GRM4: variants seen among roughly 807,000 people sequenced by gnomAD.
GRM4 encodes the protein glutamate metabotropic receptor 4.
GRM4 carries 28 observed loss-of-function variants against 81.7 expected under a neutral mutation model. The observed-to-expected ratio is 0.34, with a 90% CI of 0.25 to 0.47. GRM4 has a LOEUF of 0.47. Ranked by LOEUF, GRM4 falls within the 20% of genes least tolerant of loss-of-function variation. The pLI, the probability that GRM4 is intolerant of heterozygous loss-of-function variation, is 1.00. For synonymous variants in GRM4, 488 were observed against 528.8 expected (o/e 0.92, Z 1.06); for missense variants, 948 against 1,290.0 (o/e 0.73, Z 4.06).
At chr6:34,061,303 G>A (rs1007757301) in intron 4 of GRM4, 1 of 152,146 alleles carries the variant, frequency 6.6e-6, no homozygotes, top group African/African-American at 2.4e-5. Context: ...CCTCAGGTTG[G>A]GCTCTCTGAG....
intron 2 of GRM4, chr6:34,101,992 C>G (rs537401729): frequency 1.3e-6 from 2 of 1,534,654 alleles, no homozygotes. Context: ...CCCTAGTGGC[C>G]AGGTCAGGGC....
chr6:34,024,538 T>C lies in GRM4; in HGVS notation c.2690-1668A>G, dbSNP rs142390852. ...GAAGCCCACTAACACAGGCAGAAGT[T>C]TGGTGTCCAACTATCAGTCTATCAC... is the stretch of plus-strand genomic sequence containing the variant. On this transcript the variant is annotated intron_variant, in intron 10 of 10. Coordinates refer to ENST00000538487, the MANE Select transcript of GRM4 (RefSeq NM_000841.4). 8.5e-3 allele frequency: 3,368 copies of C among 394,620 alleles called. 23 individuals carry two copies. The highest frequency in any genetic ancestry group is 0.013 in the Non-Finnish European group (2,586 of 195,060). 24.4% of individuals were successfully genotyped at this position (394,620 alleles called of 1,614,324 possible).
At position 34,022,990 on chromosome 6, in the gene GRM4, C is replaced by T. The variant is rs1763963192; in HGVS notation, c.2690-120G>A. The T allele has an allele frequency of 2.5e-6, 2 of 799,990 alleles. No homozygotes were observed. The highest frequency in any genetic ancestry group is 3.7e-5 in the Admixed American group (2 of 53,388). 49.6% of individuals were successfully genotyped at this position (799,990 alleles called of 1,614,324 possible). A position where few individuals can be genotyped will look rare whatever the true frequency, so the allele number is the denominator to read the frequency against. The stretch of plus-strand genomic sequence containing the variant: ...ATAGCTCCCCGCCTCTCATGGCATC[C>T]AGTCCTGAGCTGAGCAATCGACACT... On this transcript the variant is annotated intron_variant, in intron 10 of 10. Coordinates refer to ENST00000538487, the MANE Select transcript of GRM4 (RefSeq NM_000841.4). The surrounding 1 kb of genome is among the most constrained non-coding windows in gnomAD (Gnocchi z 5.6).
Position 34,040,263 on chromosome 6 carries a change from C to T in GRM4, c.1421G>A (p.Arg474His), listed in dbSNP as rs528782611. The stretch of plus-strand genomic sequence containing the variant: ...CAGCTGGTATTGGTAGATGTCATAG[C>T]GCCCAGGCGCATCTCCATTCTCATT... Reference protein sequence around the residue: ...TFNENGDAPGRYDIYQYQLRN... With the variant: ...TFNENGDAPGHYDIYQYQLRN... Residue 474 changes from arginine to histidine, a missense_variant, in exon 8 of 11, where the codon CGC (arginine) becomes CAC (histidine). Coordinates refer to ENST00000538487, the MANE Select transcript of GRM4 (RefSeq NM_000841.4). 5.5e-5 allele frequency: 88 copies of T among 1,614,152 alleles called. No homozygotes were observed. Among genetic ancestry groups the T allele is most frequent in the Non-Finnish European group, 7.4e-5 (87 of 1,179,942 alleles).
At chr6:34,044,127 C>T (rs911214083) in intron 6 of GRM4, among the ~76,000 whole-genome samples, 2 of 150,878 alleles carry the variant, frequency 1.3e-5, no homozygotes, top group Non-Finnish European at 2.9e-5. Flanking sequence ...CAGACACACA[C>T]ACACACATAT....
chr6:34,126,544 C>T (rs1325691553), intron 2 of GRM4, among the ~76,000 whole-genome samples: 6 of 152,146 alleles, frequency 3.9e-5, no homozygotes, highest in African/African-American at 1.4e-4. Context: ...CAGTGGGGAC[C>T]TGGAGAAGGT....
At chr6:34,065,755 A>G (rs1040699565) in intron 3 of GRM4, among the ~76,000 whole-genome samples, 15 of 152,374 alleles carry the variant, frequency 9.8e-5, no homozygotes, top group South Asian at 4.1e-4. Context: ...AAATCTGAGC[A>G]TATCAAGTCC....
chr6:34,144,395 G>A (rs781242415), intron 1 of GRM4, among the ~76,000 whole-genome samples: 6 of 152,194 alleles, frequency 3.9e-5, no homozygotes, highest in South Asian at 2.1e-4. Flanking sequence ...GACCACTGCC[G>A]GTCCGCTCGC....
intron 10 of GRM4, among the ~76,000 whole-genome samples, chr6:34,025,034 C>A (rs934819895): frequency 6.6e-6 from 1 of 152,138 alleles, no homozygotes; most frequent in African/African-American, 2.4e-5. Flanking sequence ...TGAGCACAGA[C>A]CAGCACCCTG....
At position 34,036,379 on chromosome 6, in the gene GRM4, G is replaced by C; in HGVS notation, c.1731C>G (p.Pro577=). Residue 577 remains proline (P), a synonymous_variant, in exon 9 of 11, where the codon CCC becomes CCG. Coordinates refer to ENST00000538487, the MANE Select transcript of GRM4 (RefSeq NM_000841.4). The surrounding 1 kb of genome is among the most constrained non-coding windows in gnomAD (Gnocchi z 9.0). ...TENRTGCRPI[P]IIKLEWGSPW... is the part of the protein sequence containing the mutation. ...GCGAGCCCCACTCAAGCTTGATGATGGGGATGGGCCGGCAGCCCGTGCGGT... is the reference window on the plus strand; with the variant it reads ...GCGAGCCCCACTCAAGCTTGATGATCGGGATGGGCCGGCAGCCCGTGCGGT... The C allele has an allele frequency of 6.2e-7, 1 of 1,612,594 alleles. No homozygotes were observed. The highest frequency in any genetic ancestry group is 2.2e-5 in the East Asian group (1 of 44,846).
In GRM4 at chr6:34,040,561, G is replaced by A. The variant is rs149008151; in HGVS notation, c.1356C>T (p.Asn452=). ...CCACACCCCCACCTGAGAAGTTGACGTTTCGGATGTACTTAAGCAGCTGGG... is the reference window on the plus strand; with the variant it reads ...CCACACCCCCACCTGAGAAGTTGACATTTCGGATGTACTTAAGCAGCTGGG... ...DGTQLLKYIR[N]VNFSGIAGNP... is the part of the protein sequence containing the mutation. The change falls in exon 7 of 11, where the codon AAC becomes AAT. Residue 452 remains asparagine, a synonymous_variant. Coordinates refer to ENST00000538487, the MANE Select transcript of GRM4 (RefSeq NM_000841.4). 4.3e-6 allele frequency: 7 copies of A among 1,613,088 alleles called. No individual in the cohort carries two copies. The highest frequency in any genetic ancestry group is 2.2e-5 in the East Asian group (1 of 44,834).
At chr6:34,110,292 T>C (rs1581707747) in intron 2 of GRM4, among the ~76,000 whole-genome samples, 2 of 82,074 alleles carry the variant, frequency 2.4e-5, no homozygotes, top group African/African-American at 5.0e-5. Flanking sequence ...AGACCCTGTC[T>C]CAAAAACAAC....
chr6:34,029,448 C>T (rs1390727848), intron 9 of GRM4, among the ~76,000 whole-genome samples: 13 of 152,176 alleles, frequency 8.5e-5, no homozygotes, highest in Non-Finnish European at 1.6e-4. Flanking sequence ...CAGTACCCCC[C>T]ATGTAGGGAC....
intron 3 of GRM4, among the ~76,000 whole-genome samples, chr6:34,073,187 A>C (rs542132960): frequency 1.0e-4 from 1 of 9,628 alleles, no homozygotes; most frequent in African/African-American, 3.2e-4. Flanking sequence ...ACACAAATAC[A>C]CATTACACAA....
chr6:34,132,813 G>A (rs1770296465), intron 2 of GRM4, among the ~76,000 whole-genome samples, 165 bp downstream of exon 2: 1 of 152,196 alleles, frequency 6.6e-6, no homozygotes, highest in Non-Finnish European at 1.5e-5. Context: ...AAACCAGGAA[G>A]AGCTGCCCCA....
intron 1 of GRM4, among the ~76,000 whole-genome samples, chr6:34,141,086 GT>G (rs1205188913): frequency 2.0e-5 from 3 of 152,244 alleles, no homozygotes; most frequent in Non-Finnish European, 4.4e-5. Flanking sequence ...CAATGACAGA[GT>G]TTTTACTAGA....
intron 6 of GRM4, among the ~76,000 whole-genome samples, chr6:34,043,631 G>A (rs540928025): frequency 6.6e-6 from 1 of 152,240 alleles, no homozygotes; most frequent in South Asian, 2.1e-4. Flanking sequence ...TGGATCTCTG[G>A]GGAAACACAC....
At position 34,068,570 on chromosome 6, in the gene GRM4, G is replaced by A. The variant is rs931631516; in HGVS notation, c.737-6542C>T. 6.6e-6 allele frequency among the ~76,000 whole-genome samples: 1 copy of A among 151,884 alleles called. No homozygotes were observed. The highest frequency in any genetic ancestry group is 1.9e-4 in the East Asian group (1 of 5,164). ...AAAAAGTCCCCCCTCCATCCTGCAA[G>A]GCCAGCCCTCCAGCAGCCTCCAGAT... On this transcript the variant is annotated intron_variant, in intron 3 of 10. Coordinates refer to ENST00000538487, the MANE Select transcript of GRM4 (RefSeq NM_000841.4). This position sits in a 1 kb window ranked among gnomAD's most constrained non-coding sequence, Gnocchi z 4.2.
intron 6 of GRM4, among the ~76,000 whole-genome samples, chr6:34,044,520 A>G (rs1385624450): frequency 1.3e-5 from 2 of 149,268 alleles, no homozygotes; most frequent in Non-Finnish European, 3.0e-5. Flanking sequence ...ACACAGACAT[A>G]CATACATACA....
Sources: gnomAD v4.1 joint callset for allele counts (sites outside exome capture counted in the v4.1 genomes callset) on GRCh38, gnomAD v4.1.1 for gene constraint, Gnocchi (gnomAD v3.1) non-coding constraint, MANE v1.5 for transcripts, NCBI Gene and HGNC (gene_info 2026-07-23, HGNC 2026-07-21) for gene names.